The following IL1RAPL2 variants were observed in gnomAD, a reference collection of about 807,000 sequenced individuals.
IL1RAPL2 encodes interleukin 1 receptor accessory protein like 2.
IL1RAPL2 carries 3 observed loss-of-function variants against 44.1 expected under a neutral mutation model. That is an observed-to-expected ratio of 0.07 (90% CI 0.03 to 0.18). The LOEUF (loss-of-function observed/expected upper bound fraction) is 0.18. Among genes scored for constraint, IL1RAPL2 ranks in the 10% least tolerant of loss-of-function variants. The pLI, the probability that IL1RAPL2 is intolerant of heterozygous loss-of-function variation, is 1.00. For synonymous variants in IL1RAPL2, 181 were observed against 178.8 expected (o/e 1.01, Z -0.10); for missense variants, 391 against 496.4 (o/e 0.79, Z 2.02).
intron 1 of IL1RAPL2, among the ~76,000 whole-genome samples, chrX:104,581,476 C>A (rs1429970936): frequency 8.9e-6 from 1 of 111,762 alleles, no homozygotes; most frequent in Non-Finnish European, 1.9e-5. Flanking sequence ...GTTTATAGAT[C>A]AGCTATTAGT....
intron 6 of IL1RAPL2, among the ~76,000 whole-genome samples, chrX:105,702,283 C>T (rs1471259501): frequency 9.0e-6 from 1 of 111,411 alleles, no homozygotes; most frequent in Non-Finnish European, 1.9e-5. Flanking sequence ...TCTCTTTCTT[C>T]TCCAGAAAAA....
At chrX:104,653,519 G>T (rs1285894538) in intron 1 of IL1RAPL2, among the ~76,000 whole-genome samples, 3 of 111,543 alleles carry the variant, frequency 2.7e-5, no homozygotes, top group African/African-American at 6.5e-5. Context: ...TGTTTTCCTT[G>T]TCAAAACGTA....
At chrX:105,430,628 C>T (rs753006079) in intron 5 of IL1RAPL2, among the ~76,000 whole-genome samples, 7 of 111,128 alleles carry the variant, frequency 6.3e-5, no homozygotes, top group Admixed American at 3.9e-4. Context: ...TGAGATCATT[C>T]GAGAAACACT....
intron 2 of IL1RAPL2, among the ~76,000 whole-genome samples, chrX:104,677,508 G>T (rs963425888): frequency 7.2e-5 from 8 of 111,478 alleles, no homozygotes; most frequent in Non-Finnish European, 1.5e-4. Flanking sequence ...AAAGCTGTCA[G>T]ACAGGGACAT....
chrX:105,330,074 ACTCAAG>A (rs1184719782), intron 5 of IL1RAPL2, among the ~76,000 whole-genome samples: 1 of 110,921 alleles, frequency 9.0e-6, no homozygotes, highest in African/African-American at 3.3e-5. Flanking sequence ...GAATTTTATG[ACTCAAG>A]CTAAACTGAC....
chrX:104,959,008 G>T (rs1257741010), intron 2 of IL1RAPL2, among the ~76,000 whole-genome samples: 1 of 111,217 alleles, frequency 9.0e-6, no homozygotes, highest in Non-Finnish European at 1.9e-5. Context: ...TAGTAACAGG[G>T]GATGCTGGTT....
chrX:105,112,062 A>C (rs910966437), intron 2 of IL1RAPL2, among the ~76,000 whole-genome samples: 1 of 111,893 alleles, frequency 8.9e-6, no homozygotes, highest in African/African-American at 3.3e-5. Flanking sequence ...GCTCTGCCAA[A>C]TGTAAATGTT....
intron 6 of IL1RAPL2, among the ~76,000 whole-genome samples, chrX:105,598,714 T>C (rs2037229474): frequency 9.0e-6 from 1 of 111,603 alleles, no homozygotes; most frequent in East Asian, 2.9e-4. Context: ...TACCCAAACA[T>C]GCAAAAGACC....
chrX:105,640,743 GATAGATATAGATATAGAT>G (rs55841072), intron 6 of IL1RAPL2, among the ~76,000 whole-genome samples: 5,486 of 77,159 alleles, frequency 0.071, 230 homozygotes, highest in African/African-American at 0.13. Context: ...TATAGATATA[GATAGATATAGATATAGAT>G]ATAGATATAG....
chrX:104,953,128 C>T (rs1367467690), intron 2 of IL1RAPL2, among the ~76,000 whole-genome samples: 2 of 111,771 alleles, frequency 1.8e-5, no homozygotes, highest in African/African-American at 6.5e-5. Flanking sequence ...GCTTACCTCC[C>T]ATGGCTACCA....
At chrX:104,605,036 C>T (rs773024930) in intron 1 of IL1RAPL2, among the ~76,000 whole-genome samples, 6 of 111,781 alleles carry the variant, frequency 5.4e-5, no homozygotes, top group Non-Finnish European at 1.1e-4. Context: ...CACCACATCA[C>T]ACTTATTCAA....
intron 2 of IL1RAPL2, among the ~76,000 whole-genome samples, chrX:104,935,443 A>G (rs757724800): frequency 1.8e-5 from 2 of 112,262 alleles, no homozygotes; most frequent in African/African-American, 6.5e-5. Flanking sequence ...TATTAAAAAC[A>G]AAAGGAAAAC....
chrX:105,738,144 A>G (rs1224454042), intron 7 of IL1RAPL2, among the ~76,000 whole-genome samples: 1 of 111,954 alleles, frequency 8.9e-6, no homozygotes, highest in East Asian at 2.8e-4. Flanking sequence ...AATGTCAGTA[A>G]ATGTAAATAC....
At chrX:104,948,877 C>A (rs779926158) in intron 2 of IL1RAPL2, among the ~76,000 whole-genome samples, 5 of 110,006 alleles carry the variant, frequency 4.5e-5, no homozygotes, top group African/African-American at 1.6e-4. Flanking sequence ...GTCTCAAATT[C>A]TCTTTTTTGG....
intron 6 of IL1RAPL2, among the ~76,000 whole-genome samples, chrX:105,638,231 C>T (rs1157313349): frequency 9.0e-6 from 1 of 111,666 alleles, no homozygotes; most frequent in African/African-American, 3.2e-5. Flanking sequence ...TACTAGAAGA[C>T]ATTATGGAAC....
Position 104,907,991 on chromosome X carries a change from G to A in IL1RAPL2, c.82+248996G>A, listed in dbSNP as rs372693171. On this transcript the variant is annotated intron_variant, in intron 2 of 10. Coordinates refer to ENST00000372582, the MANE Select transcript of IL1RAPL2 (RefSeq NM_017416.2). The stretch of plus-strand genomic sequence containing the variant: ...GCTTTATGAATTTGGGTGCTCCTGT[G>A]TTGGGTGCATATATATTTAGGATAG... Among the ~76,000 whole-genome samples, 6 of 110,355 alleles carry A rather than the reference G, an allele frequency of 5.4e-5. No individual in the cohort carries two copies. In the East Asian group the frequency reaches 1.1e-3, roughly 21 times the overall value.
chrX:105,150,523 G>A (rs1280744665), intron 2 of IL1RAPL2, among the ~76,000 whole-genome samples: 2 of 112,090 alleles, frequency 1.8e-5, no homozygotes, highest in African/African-American at 6.5e-5. Context: ...ATTCCTTGGT[G>A]TAAATGAACA....
chrX:104,612,528 T>C (rs768805010), intron 1 of IL1RAPL2, among the ~76,000 whole-genome samples: 68 of 111,807 alleles, frequency 6.1e-4, no homozygotes, highest in African/African-American at 2.1e-3. Context: ...TCTGTTCCAT[T>C]GGTTTATGGG....
chrX:104,670,722 A>G (rs1383159118), intron 2 of IL1RAPL2, among the ~76,000 whole-genome samples: 1 of 111,267 alleles, frequency 9.0e-6, no homozygotes, highest in African/African-American at 3.3e-5. Context: ...CGTAGTACCT[A>G]ATAGGTAGTC....
Sources: allele counts gnomAD v4.1 joint callset (sites outside exome capture counted in the v4.1 genomes callset), GRCh38; gene constraint gnomAD v4.1.1; transcripts MANE v1.5; gene names NCBI Gene and HGNC (gene_info 2026-07-23, HGNC 2026-07-21).